The following SLC8A1 variants were observed in gnomAD, a reference collection of about 807,000 sequenced individuals.
The protein encoded by SLC8A1 is sodium/calcium exchanger 1.
Under a neutral mutation model 68.3 loss-of-function variants are expected in SLC8A1, and 18 were observed. The observed-to-expected ratio is 0.26, with a 90% CI of 0.18 to 0.39. SLC8A1 has a LOEUF of 0.39. Ranked by LOEUF, SLC8A1 falls within the 10% of genes least tolerant of loss-of-function variation. The pLI is 1.00. For missense variants in SLC8A1, 985 were observed against 1,156.7 expected (o/e 0.85, Z 2.15); for synonymous variants, 475 against 415.5 (o/e 1.14, Z -1.74).
intron 2 of SLC8A1, chr2:40,210,015 G>C (rs986087536): frequency 6.6e-6 from 1 of 152,222 alleles, no homozygotes; most frequent in African/African-American, 2.4e-5. Flanking sequence ...GTTGGCAGAT[G>C]AGTTGGCAGG....
chr2:40,360,586 T>C (rs372542458), intron 2 of SLC8A1, among the ~76,000 whole-genome samples: 15 of 152,282 alleles, frequency 9.9e-5, no homozygotes, highest in African/African-American at 3.4e-4. Flanking sequence ...CCCTACAGGA[T>C]AGATACTATG....
At position 40,183,956 on chromosome 2, in the gene SLC8A1, G is replaced by C. The variant is rs142304442; in HGVS notation, c.1809-6101C>G. Reference sequence around the variant, plus strand: ...GGATAGCTTGAGTCCAGGAGTTTTAGAGCAGCCTGGGCAACAAAGTGAGAC... The same window carrying C: ...GGATAGCTTGAGTCCAGGAGTTTTACAGCAGCCTGGGCAACAAAGTGAGAC... On this transcript the variant is annotated intron_variant, in intron 2 of 7. Coordinates refer to ENST00000406785, the Ensembl canonical transcript of SLC8A1. 2.6e-3 allele frequency among the ~76,000 whole-genome samples: 390 copies of C among 152,184 alleles called. 5 individuals carry two copies. Among genetic ancestry groups the C allele is most frequent in the East Asian group, 0.017 (90 of 5,178 alleles).
chr2:40,263,657 A>G (rs894213932), intron 2 of SLC8A1, among the ~76,000 whole-genome samples: 3 of 152,186 alleles, frequency 2.0e-5, no homozygotes, highest in African/African-American at 4.8e-5. Context: ...CTGGCTAGCC[A>G]TATGTAGAAA....
At chr2:40,167,352 A>T (rs116458990) in intron 4 of SLC8A1, among the ~76,000 whole-genome samples, 1,668 of 152,248 alleles carry the variant, frequency 0.011, 34 homozygotes, top group African/African-American at 0.037. Flanking sequence ...CATTGTAAAA[A>T]TTTTTTAATT....
intron 2 of SLC8A1, among the ~76,000 whole-genome samples, chr2:40,211,783 C>T (rs1488644223): frequency 6.6e-6 from 1 of 152,180 alleles, no homozygotes; most frequent in African/African-American, 2.4e-5. Flanking sequence ...AACCCAGGTT[C>T]TAGGGTCCTC....
rs181533617 is a variant in SLC8A1 at position 40,340,233 on chromosome 2, C to T, written c.1808+88240G>A. Among the ~76,000 whole-genome samples, 637 of 152,234 alleles carry T rather than the reference C, an allele frequency of 4.2e-3. 2 individuals carry two copies. The highest frequency in any genetic ancestry group is 8.9e-3 in the South Asian group (43 of 4,824). On this transcript the variant is annotated intron_variant, in intron 2 of 7. Coordinates refer to ENST00000406785, the Ensembl canonical transcript of SLC8A1. ...ACATGTCTATTTCAAACTTCTGGTC[C>T]TATTTCTGTGAGTTGATTTGGTAAG...
intron 1 of SLC8A1, among the ~76,000 whole-genome samples, chr2:40,482,883 C>G (rs976466378): frequency 2.0e-5 from 3 of 151,002 alleles, no homozygotes; most frequent in African/African-American, 7.3e-5. Flanking sequence ...CTCCGCCTCC[C>G]GGGTTCACGC....
At chr2:40,380,856 G>A (rs1681516856) in intron 2 of SLC8A1, among the ~76,000 whole-genome samples, 2 of 151,926 alleles carry the variant, frequency 1.3e-5, no homozygotes, top group Admixed American at 1.3e-4. Context: ...ACTTCTTCAG[G>A]GAATGTGCTA....
intron 2 of SLC8A1, among the ~76,000 whole-genome samples, chr2:40,299,484 C>T (rs2071027572): frequency 6.6e-6 from 1 of 152,078 alleles, no homozygotes; most frequent in Non-Finnish European, 1.5e-5. Context: ...TGAAGGAGCC[C>T]TGGAAGATCT....
intron 1 of SLC8A1, among the ~76,000 whole-genome samples, chr2:40,492,873 A>C (rs1344628223): frequency 6.6e-6 from 1 of 151,198 alleles, no homozygotes; most frequent in East Asian, 2.0e-4. Flanking sequence ...GTGGAGAAAT[A>C]GGAACACTTT....
At chr2:40,182,867 T>TTAAG (rs1431531639) in intron 2 of SLC8A1, among the ~76,000 whole-genome samples, 1 of 152,196 alleles carries the variant, frequency 6.6e-6, no homozygotes, top group Non-Finnish European at 1.5e-5. Context: ...TTTCTTTTCT[T>TTAAG]TAAGTCTGCC....
chr2:40,201,683 G>A (rs1229330050), intron 2 of SLC8A1, among the ~76,000 whole-genome samples: 2 of 151,838 alleles, frequency 1.3e-5, no homozygotes, highest in Non-Finnish European at 2.9e-5. Context: ...TCACAAAACT[G>A]GAAACATGGA....
intron 2 of SLC8A1, among the ~76,000 whole-genome samples, chr2:40,281,707 A>C (rs139592927): frequency 1.3e-5 from 2 of 152,340 alleles, no homozygotes; most frequent in East Asian, 3.9e-4. Flanking sequence ...GAAAGAGTGA[A>C]GACCCATCAT....
exon 8 of SLC8A1, chr2:40,098,646 T>C (rs1262214316): frequency 1.3e-5 from 2 of 152,046 alleles, no homozygotes; most frequent in Admixed American, 1.3e-4. Context: ...ATAAGAATTA[T>C]AGGAAAGATT....
At chr2:40,435,534 G>T (rs1300418208) in intron 1 of SLC8A1, among the ~76,000 whole-genome samples, 2 of 152,118 alleles carry the variant, frequency 1.3e-5, no homozygotes, top group African/African-American at 4.8e-5. Flanking sequence ...GGCTATGAGC[G>T]GTCACATCAT....
intron 7 of SLC8A1, among the ~76,000 whole-genome samples, chr2:40,128,458 C>T (rs1470339307): frequency 6.6e-6 from 1 of 152,126 alleles, no homozygotes; most frequent in East Asian, 1.9e-4. Flanking sequence ...ATTTAGGAGC[C>T]AGCAGTCAGC....
At chr2:40,410,771 T>A (rs1055640297) in intron 2 of SLC8A1, among the ~76,000 whole-genome samples, 27 of 152,076 alleles carry the variant, frequency 1.8e-4, no homozygotes, top group Non-Finnish European at 3.1e-4. Context: ...TGATAATACA[T>A]TGCATGTCAT....
chr2:40,488,477 C>T (rs906716836), intron 1 of SLC8A1, among the ~76,000 whole-genome samples: 8 of 151,472 alleles, frequency 5.3e-5, no homozygotes, highest in South Asian at 2.1e-4. Flanking sequence ...TGTGTGTGCA[C>T]GCATGTGTGT....
intron 1 of SLC8A1, among the ~76,000 whole-genome samples, chr2:40,459,800 A>G (rs1443487049): frequency 6.6e-6 from 1 of 152,142 alleles, no homozygotes; most frequent in Non-Finnish European, 1.5e-5. Flanking sequence ...GCTGCTTTCT[A>G]TGGGTCCATC....
Sources: gnomAD v4.1 joint callset for allele counts (sites outside exome capture counted in the v4.1 genomes callset) on GRCh38, gnomAD v4.1.1 for gene constraint, MANE v1.5 for transcripts, NCBI Gene and HGNC (gene_info 2026-07-23, HGNC 2026-07-21) for gene names.